Variants in SETMAR observed in about 807,000 individuals in gnomAD.
SETMAR encodes the protein histone-lysine N-methyltransferase SETMAR.
SETMAR carries 44 observed loss-of-function variants against 58.4 expected under a neutral mutation model. That is an observed-to-expected ratio of 0.75 (90% CI 0.59 to 0.97). The LOEUF is 0.97. Among genes scored for constraint, SETMAR ranks in the 50% least tolerant of loss-of-function variants. The probability of loss-of-function intolerance (pLI) is 0.00; values close to 1 mark genes in which losing one functional copy is unlikely to be tolerated. For synonymous variants in SETMAR, 332 were observed against 307.4 expected (o/e 1.08, Z -0.84); for missense variants, 903 against 840.2 (o/e 1.07, Z -0.92).
intron 1 of SETMAR, among the ~76,000 whole-genome samples, chr3:4,306,022 T>C (rs1698173358): frequency 6.6e-6 from 1 of 152,146 alleles, no homozygotes; most frequent in Non-Finnish European, 1.5e-5. Flanking sequence ...CAAATATTTA[T>C]TGAGAGCTAA....
At chr3:4,306,100 G>A (rs1005101064) in intron 1 of SETMAR, among the ~76,000 whole-genome samples, 5 of 152,144 alleles carry the variant, frequency 3.3e-5, no homozygotes, top group Non-Finnish European at 7.3e-5. Context: ...CTACCCTCAA[G>A]GTGTTTACAA....
Position 4,313,762 on chromosome 3 carries a change from G to T in SETMAR, c.1020+1G>T, listed in dbSNP as rs1162787178. ...CTCCTGCAAGCGATTGACCCTTGAG[G>T]TGAGTCTGTTCAGTGATAAGCAGCT... On this transcript the variant is annotated splice_donor_variant, in intron 2 of 2. Coordinates refer to ENST00000358065, the MANE Select transcript of SETMAR (RefSeq NM_006515.4). LOFTEE classifies it high-confidence loss of function. 6.2e-7 allele frequency: 1 copy of T among 1,614,000 alleles called. No individual in the cohort carries two copies. Among genetic ancestry groups the T allele is most frequent in the South Asian group, 1.1e-5 (1 of 91,080 alleles).
intron 1 of SETMAR, among the ~76,000 whole-genome samples, chr3:4,308,358 A>C (rs1698274134): frequency 6.6e-6 from 1 of 152,188 alleles, no homozygotes. Flanking sequence ...TTTTTAAGCC[A>C]GTTCTGTCAT....
intron 1 of SETMAR, among the ~76,000 whole-genome samples, chr3:4,312,658 C>A (rs1340247451): frequency 5.5e-5 from 8 of 146,234 alleles, no homozygotes; most frequent in African/African-American, 7.7e-5. Context: ...ACTGTGATCA[C>A]AGCACTGCAC....
chr3:4,313,582 G>A lies in SETMAR; in HGVS notation c.841G>A (p.Gly281Arg), dbSNP rs747854639. 1.9e-6 allele frequency: 3 copies of A among 1,613,906 alleles called. No individual in the cohort carries two copies. The highest frequency in any genetic ancestry group is 2.2e-5 in the South Asian group (2 of 91,082). ...VSEDKERLDH[G>R]KLRKPCYCGA... The stretch of plus-strand genomic sequence containing the variant: ...TGAAGACAAAGAAAGGCTAGATCAT[G>A]GGAAACTAAGGAAACCTTGTTACTG... The change falls in exon 2 of 3, where the codon GGG becomes AGG. Residue 281 changes from glycine (G) to arginine (R), a missense_variant. By Grantham distance (125) the Gly-to-Arg change is moderately radical. Transcript: ENST00000358065.
In SETMAR at chr3:4,316,868, T is replaced by G; in HGVS notation, c.1677T>G (p.Tyr559Ter). 1 of 1,549,588 alleles carries G rather than the reference T, an allele frequency of 6.5e-7. No homozygotes were observed. ...GTGAAACCATTACATCTGAGAAGTA[T>G]GCTCAGGAAATCGATGAGATGAACC... ...NPGETITSEK[Y>*]AQEIDEMNQK... The change falls in exon 3 of 3, where the codon TAT becomes TAG. Residue 559 changes from tyrosine to a stop codon, truncating the protein, a stop_gained. Coordinates refer to ENST00000358065, the MANE Select transcript of SETMAR (RefSeq NM_006515.4). LOFTEE classifies it high-confidence loss of function.
In SETMAR at chr3:4,313,686, T is replaced by G. The variant is rs770380662; in HGVS notation, c.945T>G (p.Cys315Trp). ...CCGTAGAAAAGTCGAACATCAGTTGTGGAAATGAGAAGGAACCCAGCATGT... is the reference window on the plus strand; with the variant it reads ...CCGTAGAAAAGTCGAACATCAGTTGGGGAAATGAGAAGGAACCCAGCATGT... ...YCPVEKSNISCGNEKEPSMCG... is the reference protein window; with the variant it reads ...YCPVEKSNISWGNEKEPSMCG... The change falls in exon 2 of 3, where the codon TGT becomes TGG. Residue 315 changes from cysteine (C) to tryptophan (W), a missense_variant. Coordinates refer to ENST00000358065, the MANE Select transcript of SETMAR (RefSeq NM_006515.4). The G allele has an allele frequency of 6.2e-7, 1 of 1,614,046 alleles. No individual in the cohort carries two copies. The highest frequency in any genetic ancestry group is 1.7e-5 in the Admixed American group (1 of 59,980).
intron 1 of SETMAR, among the ~76,000 whole-genome samples, chr3:4,306,640 G>A (rs920328959): frequency 2.0e-5 from 3 of 152,160 alleles, no homozygotes; most frequent in Non-Finnish European, 4.4e-5. Flanking sequence ...TAAGTGACAA[G>A]CCTAAAAGTG....
chr3:4,311,879 G>A (rs181354297), intron 1 of SETMAR, among the ~76,000 whole-genome samples: 175 of 152,246 alleles, frequency 1.1e-3, no homozygotes, highest in South Asian at 2.3e-3. Context: ...AATCTGCTGG[G>A]TTCATGAGAG....
chr3:4,307,345 C>T (rs1698230806), intron 1 of SETMAR, among the ~76,000 whole-genome samples: 1 of 152,146 alleles, frequency 6.6e-6, no homozygotes, highest in Non-Finnish European at 1.5e-5. Context: ...AGGAACCCCA[C>T]CCCCATCACC....
chr3:4,311,858 A>G (rs1698418048), intron 1 of SETMAR, among the ~76,000 whole-genome samples: 1 of 152,238 alleles, frequency 6.6e-6, no homozygotes, highest in African/African-American at 2.4e-5. Flanking sequence ...GAATTACTAT[A>G]TACATAAAAA....
intron 1 of SETMAR, among the ~76,000 whole-genome samples, chr3:4,308,877 G>C (rs1698296503): frequency 6.6e-6 from 1 of 152,206 alleles, no homozygotes; most frequent in Non-Finnish European, 1.5e-5. Flanking sequence ...TTTATTCTGA[G>C]CCAAATATGA....
In SETMAR at chr3:4,303,510, CG is replaced by C. The variant is rs765667779; in HGVS notation, c.141del (p.Pro48ArgfsTer11). Reference protein sequence around the residue: ...LPVGAWPPGAAPAPFQYTPDH... With the variant: ...LPVGAWPPGAXPAPFQYTPDH... Reference sequence around the variant, plus strand: ...GTGGGCGCGTGGCCCCCGGGGGCCGCGCCGGCGCCCTTCCAGGTAGGGGCGG... The same window carrying C: ...GTGGGCGCGTGGCCCCCGGGGGCCGCCCGGCGCCCTTCCAGGTAGGGGCGG... On this transcript the variant is annotated frameshift_variant, in exon 1 of 3. Coordinates refer to ENST00000358065, the MANE Select transcript of SETMAR (RefSeq NM_006515.4). LOFTEE classifies it high-confidence loss of function. 6.9e-7 allele frequency: 1 copy of C among 1,439,162 alleles called. No individual in the cohort carries two copies. 89.1% of individuals were successfully genotyped at this position (1,439,162 alleles called of 1,614,324 possible). A position where few individuals can be genotyped will look rare whatever the true frequency, so the allele number is the denominator to read the frequency against.
chr3:4,303,864 C>T, intron 1 of SETMAR: 1 of 1,309,502 alleles, frequency 7.6e-7, no homozygotes, highest in South Asian at 1.3e-5. Flanking sequence ...AGGTGTCTCT[C>T]ACAGGTAGGA....
At position 4,312,961 on chromosome 3, in the gene SETMAR, G is replaced by A. The variant is rs538895566; in HGVS notation, c.220G>A (p.Gly74Arg). 43 of 1,613,848 alleles carry A rather than the reference G, an allele frequency of 2.7e-5. No homozygotes were observed. Among genetic ancestry groups the A allele is most frequent in the Admixed American group, 2.0e-4 (12 of 59,986 alleles). ...DIDPTQITFP[G>R]CICVKTPCLP... ...TGATCCCACTCAAATAACCTTTCCC[G>A]GATGCATTTGTGTCAAAACTCCCTG... The change falls in exon 2 of 3, where the codon GGA (glycine) becomes AGA (arginine). Residue 74 changes from glycine to arginine, a missense_variant. Gly to Arg is a moderately radical substitution (Grantham distance 125). Coordinates refer to ENST00000358065, the MANE Select transcript of SETMAR (RefSeq NM_006515.4).
At chr3:4,313,796 C>T in intron 2 of SETMAR, 35 bp downstream of exon 2, 1 of 1,612,046 alleles carries the variant, frequency 6.2e-7, no homozygotes, top group Non-Finnish European at 8.5e-7. Context: ...CTTGCCCCTC[C>T]CTATAGTGGA....
chr3:4,312,982 C>T lies in SETMAR; in HGVS notation c.241C>T (p.Pro81Ser). 2 of 1,613,976 alleles carry T rather than the reference C, an allele frequency of 1.2e-6. No individual in the cohort carries two copies. The highest frequency in any genetic ancestry group is 1.7e-6 in the Non-Finnish European group (2 of 1,179,944). ...TFPGCICVKT[P>S]CLPGTCSCLR... ...TCCCGGATGCATTTGTGTCAAAACT[C>T]CCTGCCTCCCTGGCACTTGCTCCTG... Residue 81 changes from proline to serine, a missense_variant, in exon 2 of 3, where the codon CCC (proline) becomes TCC (serine). Physicochemically the swap from Pro to Ser is moderately conservative, Grantham distance 74. Coordinates refer to ENST00000358065, the MANE Select transcript of SETMAR (RefSeq NM_006515.4).
chr3:4,313,133 G>A lies in SETMAR; in HGVS notation c.392G>A (p.Arg131Lys), dbSNP rs750562265. 3.7e-5 allele frequency: 60 copies of A among 1,613,916 alleles called. No homozygotes were observed. The highest frequency in any genetic ancestry group is 5.0e-5 in the Non-Finnish European group (59 of 1,179,958). ...CGATGCAGTGACCACTGCAGAAACA[G>A]AGTGGTCCAGAAAGGTCTACAGTTC... ...LCRCSDHCRN[R>K]VVQKGLQFHF... Residue 131 changes from arginine to lysine, a missense_variant, in exon 2 of 3, where the codon AGA (arginine) becomes AAA (lysine). Transcript: ENST00000358065.
rs764362864 is a variant in SETMAR at position 4,316,317 on chromosome 3, T to C, written c.1126T>C (p.Phe376Leu). ...AACAACTCGCAACATCAACAATGCA[T>C]TTGGCCCAGGAACTGCTAACGAACG... ...AETTRNINNA[F>L]GPGTANERTV... The change falls in exon 3 of 3, where the codon TTT becomes CTT. Residue 376 changes from phenylalanine to leucine, a missense_variant. Transcript: ENST00000358065. 5 of 1,231,050 alleles carry C rather than the reference T, an allele frequency of 4.1e-6. No individual in the cohort carries two copies. The highest frequency in any genetic ancestry group is 5.8e-6 in the Non-Finnish European group (5 of 866,622). 76.3% of individuals were successfully genotyped at this position (1,231,050 alleles called of 1,614,324 possible). A position where few individuals can be genotyped will look rare whatever the true frequency, so the allele number is the denominator to read the frequency against.
Sources: allele counts gnomAD v4.1 joint callset (sites outside exome capture counted in the v4.1 genomes callset), GRCh38; gene constraint gnomAD v4.1.1; transcripts MANE v1.5; gene names NCBI Gene and HGNC (gene_info 2026-07-23, HGNC 2026-07-21).